The following TNRC6B variants were observed in gnomAD, a reference collection of about 807,000 sequenced individuals.
TNRC6B encodes the protein trinucleotide repeat containing adaptor 6B.
A neutral mutation model predicts 203.6 loss-of-function variants in TNRC6B; 52 were observed. The observed-to-expected ratio is 0.26, with a 90% CI of 0.20 to 0.32. TNRC6B has a LOEUF of 0.32. Ranked by LOEUF, TNRC6B falls within the 10% of genes least tolerant of loss-of-function variation. The pLI is 1.00. For synonymous variants in TNRC6B, 838 were observed against 845.7 expected (o/e 0.99, Z 0.16); for missense variants, 1,923 against 2,286.2 (o/e 0.84, Z 3.24).
intron 12 of TNRC6B, among the ~76,000 whole-genome samples, chr22:40,292,268 G>A (rs767321875): frequency 6.6e-6 from 1 of 151,416 alleles, no homozygotes; most frequent in African/African-American, 2.4e-5. Context: ...CAGGAGAATC[G>A]CTTGAACCCA....
Position 40,301,100 on chromosome 22 carries a change from G to C in TNRC6B, c.3937-50G>C, listed in dbSNP as rs1180875838. On this transcript the variant is annotated intron_variant, in intron 14 of 22. Coordinates refer to ENST00000454349, the MANE Select transcript of TNRC6B (RefSeq NM_001162501.2). ...AAAGAACCGGGCACAGTCTTTTCCT[G>C]GGAAGTTCGGGGCCGTGCTTATCAC... 1.9e-6 allele frequency: 3 copies of C among 1,554,692 alleles called. No homozygotes were observed. In the Admixed American group the frequency reaches 5.9e-5, roughly 30 times the overall value.
intron 2 of TNRC6B, among the ~76,000 whole-genome samples, chr22:40,248,344 G>A (rs986291674): frequency 8.5e-5 from 13 of 152,186 alleles, no homozygotes; most frequent in African/African-American, 3.1e-4. Flanking sequence ...CCTCTACTAA[G>A]TTGATACAAA....
chr22:40,234,458 T>C (rs546797590), intron 1 of TNRC6B, among the ~76,000 whole-genome samples: 26 of 152,334 alleles, frequency 1.7e-4, no homozygotes, highest in African/African-American at 5.1e-4. Context: ...CTCAAAGATC[T>C]AGGGACCAGC....
intron 3 of TNRC6B, among the ~76,000 whole-genome samples, chr22:40,131,828 C>T (rs2068547543): frequency 6.6e-6 from 1 of 152,188 alleles, no homozygotes; most frequent in Non-Finnish European, 1.5e-5. Flanking sequence ...ATTGTAAATG[C>T]TGAAGGAAGA....
intron 1 of TNRC6B, among the ~76,000 whole-genome samples, chr22:40,231,711 C>A (rs2069872651): frequency 6.6e-6 from 1 of 152,126 alleles, no homozygotes; most frequent in Admixed American, 6.6e-5. Flanking sequence ...GTTCACACAA[C>A]CGCTGGAAAG....
At chr22:40,208,329 A>G (rs1027965025) in intron 1 of TNRC6B, among the ~76,000 whole-genome samples, 3 of 152,166 alleles carry the variant, frequency 2.0e-5, no homozygotes, top group African/African-American at 7.2e-5. Flanking sequence ...GAAGAGCTGT[A>G]TGCATGTACA....
At chr22:40,247,932 G>A (rs905875530) in intron 2 of TNRC6B, among the ~76,000 whole-genome samples, 4 of 152,122 alleles carry the variant, frequency 2.6e-5, no homozygotes, top group Admixed American at 1.3e-4. Context: ...AAAATTAGCC[G>A]AGTGTGGTGG....
intron 3 of TNRC6B, among the ~76,000 whole-genome samples, chr22:40,132,952 A>AAATAAAAAAAAAT (rs1568992950): frequency 1.0e-5 from 1 of 96,178 alleles, no homozygotes; most frequent in East Asian, 2.3e-4. Flanking sequence ...TCAAAAAAAA[A>AAATAAAAAAAAAT]AAAAAAAAAA....
Position 40,155,307 on chromosome 22 carries a change from G to A in TNRC6B, c.46-808G>A, listed in dbSNP as rs1320401444. ...CTTTTTGTTGTTGTTGTTGTTGGGG[G>A]AGACGGAGTCTTGCTCTGTCGCCCA... On this transcript the variant is annotated intron_variant, in intron 3 of 23. Coordinates refer to the TNRC6B transcript ENST00000301923. Among the ~76,000 whole-genome samples the A allele has an allele frequency of 5.3e-5, 8 of 152,086 alleles. 1 individual carries two copies. The highest frequency in any genetic ancestry group is 4.4e-5 in the Non-Finnish European group (3 of 68,020).
chr22:40,312,457 T>C, intron 17 of TNRC6B, 48 bp from the exon 18 acceptor site: 1 of 1,569,774 alleles, frequency 6.4e-7, no homozygotes, highest in Non-Finnish European at 8.6e-7. Context: ...ACTATATCAT[T>C]TTTTTTTAAC....
intron 1 of TNRC6B, among the ~76,000 whole-genome samples, chr22:40,218,786 T>C (rs2069670553): frequency 6.6e-6 from 1 of 152,232 alleles, no homozygotes. Context: ...AGTTGGATTC[T>C]GGTAACAGCG....
intron 1 of TNRC6B, among the ~76,000 whole-genome samples, chr22:40,222,728 C>CTTTTTTTTTTTTTTTTTTTTTTTTTTT (rs61374373): frequency 2.5e-5 from 1 of 40,214 alleles, no homozygotes; most frequent in Non-Finnish European, 4.0e-5. Flanking sequence ...CTCTCTCTCT[C>CTTTTTTTTTTTTTTTTTTTTTTTTTTT]TTTTTTTTTT....
chr22:40,185,829 A>T (rs1471117840), intron 1 of TNRC6B, among the ~76,000 whole-genome samples: 2 of 152,140 alleles, frequency 1.3e-5, no homozygotes, highest in Non-Finnish European at 2.9e-5. Context: ...TTAGGGGATA[A>T]AAGGACTGTT....
intron 1 of TNRC6B, among the ~76,000 whole-genome samples, chr22:40,072,106 C>T (rs1955631627): frequency 6.6e-6 from 1 of 152,160 alleles, no homozygotes. Context: ...ATCATCCAAC[C>T]TCTGCCTCTC....
chr22:40,305,319 T>A (rs988958584), intron 15 of TNRC6B, among the ~76,000 whole-genome samples: 3 of 152,186 alleles, frequency 2.0e-5, no homozygotes, highest in African/African-American at 7.2e-5. Context: ...ACTAAATGGC[T>A]TAATTTGAGC....
chr22:40,188,542 C>A (rs1292932379), intron 1 of TNRC6B, among the ~76,000 whole-genome samples: 1 of 152,102 alleles, frequency 6.6e-6, no homozygotes, highest in East Asian at 1.9e-4. Flanking sequence ...GGTCAGAGAC[C>A]TAGCAGGTGA....
chr22:40,059,378 G>C (rs1038761885), intron 1 of TNRC6B, among the ~76,000 whole-genome samples: 1 of 152,090 alleles, frequency 6.6e-6, no homozygotes, highest in East Asian at 1.9e-4. Flanking sequence ...TATAGATTTC[G>C]ATGTTTTTTT....
Position 40,331,876 on chromosome 22 carries a change from G to A in TNRC6B, c.*8635G>A, listed in dbSNP as rs563513295. ...GTGAGAGACGAATGTGGTAAGGTCA[G>A]CACAGTGAGATAGAGACCTCTGAGT... is the stretch of plus-strand genomic sequence containing the variant. On this transcript the variant is annotated 3_prime_UTR_variant, in exon 23 of 23. Transcript: ENST00000454349. The A allele has an allele frequency of 1.8e-4, 62 of 341,522 alleles. No homozygotes were observed. The South Asian group carries it at 3.4e-3, about 19-fold the overall frequency. 21.2% of individuals were successfully genotyped at this position (341,522 alleles called of 1,614,324 possible).
intron 1 of TNRC6B, among the ~76,000 whole-genome samples, chr22:40,237,602 G>A (rs995030201): frequency 5.9e-5 from 9 of 152,032 alleles, no homozygotes; most frequent in African/African-American, 1.9e-4. Flanking sequence ...GCTTGCTGCC[G>A]AGAGAAGGAA....
Sources: allele counts gnomAD v4.1 joint callset (sites outside exome capture counted in the v4.1 genomes callset), GRCh38; gene constraint gnomAD v4.1.1; transcripts MANE v1.5; gene names NCBI Gene and HGNC (gene_info 2026-07-23, HGNC 2026-07-21).